Variants in STAP2 observed in about 807,000 individuals in gnomAD.
STAP2 encodes signal transducing adaptor family member 2.
Under a neutral mutation model 52.7 loss-of-function variants are expected in STAP2, and 58 were observed. The ratio of observed to expected loss-of-function variants is 1.10; its 90% CI spans 0.89 to 1.37. The LOEUF is 1.37. Ranked by LOEUF, STAP2 falls within the 40% of genes most tolerant of loss-of-function variation. The pLI is 0.00. For missense variants in STAP2, 522 were observed against 519.4 expected (o/e 1.00, Z -0.05); for synonymous variants, 231 against 210.5 (o/e 1.10, Z -0.84).
intron 1 of STAP2, chr19:4,338,198 C>T (rs1453774441): frequency 6.2e-6 from 1 of 161,996 alleles, no homozygotes; most frequent in South Asian, 1.7e-4. Flanking sequence ...CTAGCTCTTA[C>T]TGTCCTCACA....
At chr19:4,327,292 T>G (rs769464271) in intron 7 of STAP2, 24 bp downstream of exon 7, 9 of 1,614,102 alleles carry the variant, frequency 5.6e-6, no homozygotes, top group Non-Finnish European at 6.8e-6. Flanking sequence ...AAGTCACTTC[T>G]AGGGACTCTG....
At chr19:4,331,371 G>A (rs576180237) in intron 4 of STAP2, among the ~76,000 whole-genome samples, 6 of 149,240 alleles carry the variant, frequency 4.0e-5, no homozygotes, top group African/African-American at 1.2e-4. Flanking sequence ...TGTGGCTCAC[G>A]CCTGTAATCC....
intron 1 of STAP2, among the ~76,000 whole-genome samples, chr19:4,337,916 A>T (rs1972005167): frequency 6.6e-6 from 1 of 152,098 alleles, no homozygotes; most frequent in Non-Finnish European, 1.5e-5. Context: ...GCTACTCAGG[A>T]GGCTGGGGCG....
chr19:4,328,408 C>T (rs1971829903), intron 6 of STAP2, among the ~76,000 whole-genome samples: 1 of 147,822 alleles, frequency 6.8e-6, no homozygotes, highest in Non-Finnish European at 1.5e-5. Context: ...CCCGCCCCAG[C>T]TCGCCCAGCC....
In STAP2 at chr19:4,327,297, ACT is replaced by A; in HGVS notation, c.660+17_660+18del. On this transcript the variant is annotated intron_variant, in intron 7 of 12. Transcript: ENST00000594605. ...GGACCCCACAAAGTCACTTCTAGGG[ACT>A]CTGGCCCAACGCTCACCGGCTGTTC... The A allele has an allele frequency of 6.2e-7, 1 of 1,613,880 alleles. No individual in the cohort carries two copies. Among genetic ancestry groups the A allele is most frequent in the Non-Finnish European group, 8.5e-7 (1 of 1,179,926 alleles).
chr19:4,338,687 CATA>C lies in STAP2; in HGVS notation c.64_66del (p.Tyr22del), dbSNP rs763137427. On this transcript the variant is annotated inframe_deletion, in exon 1 of 13. Coordinates refer to ENST00000594605, the MANE Select transcript of STAP2 (RefSeq NM_001013841.2). ...GGCCCCTTCTTCTCTAGAAAGCTCT[CATA>C]GTAGTGTGAAGGCAGGACACCCTTA... 1.2e-6 allele frequency: 2 copies of C among 1,613,626 alleles called. No individual in the cohort carries two copies. Among genetic ancestry groups the C allele is most frequent in the Non-Finnish European group, 1.7e-6 (2 of 1,179,774 alleles).
chr19:4,328,789 C>T lies in STAP2; in HGVS notation c.476G>A (p.Arg159Gln), dbSNP rs1458391096. The change falls in exon 6 of 13, where the codon CGG becomes CAG. Residue 159 changes from arginine to glutamine, a missense_variant. Transcript: ENST00000594605. ...ETPSCFLKVS[R>Q]LEAQLLLERY... ...CTCCAGGAGCAGTTGTGCCTCCAGC[C>T]GGCTCACCTTCAGGAAGCACCTGTG... 1 of 1,611,440 alleles carries T rather than the reference C, an allele frequency of 6.2e-7. No homozygotes were observed. The highest frequency in any genetic ancestry group is 8.5e-7 in the Non-Finnish European group (1 of 1,179,296).
intron 12 of STAP2, 33 bp downstream of exon 12, chr19:4,324,422 G>A (rs757489200): frequency 1.9e-5 from 29 of 1,515,050 alleles, no homozygotes; most frequent in Non-Finnish European, 2.3e-5. Context: ...CACCTGGGAA[G>A]CCCGCCCCGC....
At chr19:4,336,541 T>G (rs376756753) in intron 1 of STAP2, among the ~76,000 whole-genome samples, 27 of 152,082 alleles carry the variant, frequency 1.8e-4, no homozygotes, top group African/African-American at 6.5e-4. Context: ...CTTGAACTCC[T>G]GACCTCAAGT....
At chr19:4,326,782 C>CCA (rs199567037) in intron 9 of STAP2, among the ~76,000 whole-genome samples, 160 bp downstream of exon 9, 3 of 152,082 alleles carry the variant, frequency 2.0e-5, no homozygotes, top group African/African-American at 4.8e-5. Flanking sequence ...GCCCCCTCCC[C>CCA]CACACACACA....
chr19:4,327,009 T>C lies in STAP2; in HGVS notation c.764-2A>G, dbSNP rs1377124079. On this transcript the variant is annotated splice_acceptor_variant, in intron 8 of 12. Coordinates refer to ENST00000594605, the MANE Select transcript of STAP2 (RefSeq NM_001013841.2). LOFTEE classifies it high-confidence loss of function. ...TCTCCTTATCGGCTTCCACGTAGCC[T>C]GGAACAGAGAGGGCGGCCTGGAGGA... 1 of 1,566,224 alleles carries C rather than the reference T, an allele frequency of 6.4e-7. No individual in the cohort carries two copies. The highest frequency in any genetic ancestry group is 2.4e-5 in the East Asian group (1 of 41,876).
intron 12 of STAP2, 23 bp downstream of exon 12, chr19:4,324,432 C>T (rs776598933): frequency 1.3e-6 from 2 of 1,545,454 alleles, no homozygotes; most frequent in African/African-American, 1.4e-5. Context: ...GCCCGCCCCG[C>T]ACTGACCCCG....
chr19:4,327,451 C>T (rs1458717499), intron 6 of STAP2, 66 bp from the exon 7 acceptor site: 1 of 1,558,834 alleles, frequency 6.4e-7, no homozygotes, highest in East Asian at 2.3e-5. Flanking sequence ...AGGGAAGGCC[C>T]CGCCCCAACT....
At chr19:4,338,548 ACCC>A in intron 1 of STAP2, 101 bp downstream of exon 1, 5 of 527,402 alleles carry the variant, frequency 9.5e-6, no homozygotes, top group Non-Finnish European at 1.3e-5. Flanking sequence ...CCCATCCAGC[ACCC>A]ACCCCGCCCC....
rs1482449507 is a variant in STAP2, at chr19:4,325,501, A to G, written c.874T>C (p.Ser292Pro). 1.9e-6 allele frequency: 3 copies of G among 1,611,802 alleles called. No homozygotes were observed. The highest frequency in any genetic ancestry group is 2.5e-6 in the Non-Finnish European group (3 of 1,178,844). Residue 292 changes from serine (S) to proline (P), a missense_variant, in exon 10 of 13, where the codon TCT becomes CCT. Coordinates refer to ENST00000594605, the MANE Select transcript of STAP2 (RefSeq NM_001013841.2). ...TGGPKPLSPA[S>P]SQDKLPPLPP... ...AGTGGGGGCAGCTTGTCCTGGCTAG[A>G]CGCAGGTGACAGCGGCTTGGGGCCA...
chr19:4,326,976 C>G lies in STAP2; in HGVS notation c.795G>C (p.Glu265Asp). Residue 265 changes from glutamate (E) to aspartate (D), a missense_variant, in exon 9 of 13, where the codon GAG becomes GAC. Transcript: ENST00000594605. Reference sequence around the variant, plus strand: ...GAGCGGAGGGCGCCACCCACACATTCTCGCCATTCTCCTTATCGGCTTCCA... The same window carrying G: ...GAGCGGAGGGCGCCACCCACACATTGTCGCCATTCTCCTTATCGGCTTCCA... ...GYVEADKENGENVWVAPSAPG... is the reference protein window; with the variant it reads ...GYVEADKENGDNVWVAPSAPG... 1 of 1,552,990 alleles carries G rather than the reference C, an allele frequency of 6.4e-7. No individual in the cohort carries two copies. Among genetic ancestry groups the G allele is most frequent in the Non-Finnish European group, 8.7e-7 (1 of 1,147,470 alleles).
Position 4,327,402 on chromosome 19 carries a change from CGAGT to C in STAP2, c.591-21_591-18del, listed in dbSNP as rs775725781. On this transcript the variant is annotated intron_variant, in intron 6 of 12. Coordinates refer to ENST00000594605, the MANE Select transcript of STAP2 (RefSeq NM_001013841.2). The stretch of plus-strand genomic sequence containing the variant: ...ACGTGCGTCCTGCACCAGGAGAAAG[CGAGT>C]GAGTGGCTCAGCCCAGGCTCCCACA... The C allele has an allele frequency of 3.7e-6, 6 of 1,613,906 alleles. No homozygotes were observed. The highest frequency in any genetic ancestry group is 5.1e-6 in the Non-Finnish European group (6 of 1,179,880).
intron 9 of STAP2, among the ~76,000 whole-genome samples, chr19:4,326,330 C>T (rs1329745475): frequency 6.6e-6 from 1 of 152,212 alleles, no homozygotes; most frequent in Non-Finnish European, 1.5e-5. Flanking sequence ...TCTGGCTAGG[C>T]AGGTGGCCAC....
At chr19:4,334,900 TCCACC>T (rs1971954910) in intron 1 of STAP2, among the ~76,000 whole-genome samples, 1 of 113,442 alleles carries the variant, frequency 8.8e-6, no homozygotes. Flanking sequence ...CATCCATCCA[TCCACC>T]CATCCATCCA....
Sources: allele counts gnomAD v4.1 joint callset (sites outside exome capture counted in the v4.1 genomes callset), GRCh38; gene constraint gnomAD v4.1.1; transcripts MANE v1.5; gene names NCBI Gene and HGNC (gene_info 2026-07-23, HGNC 2026-07-21).